Variants in TEP1 observed in about 807,000 individuals in gnomAD.
TEP1 encodes telomerase associated protein 1.
In TEP1, 241 loss-of-function variants were observed where a neutral mutation model predicts 306.3. The ratio of observed to expected loss-of-function variants is 0.79; its 90% CI spans 0.71 to 0.88. TEP1 has a LOEUF of 0.88. Among genes scored for constraint, TEP1 ranks in the 40% least tolerant of loss-of-function variants. The pLI, the probability that TEP1 is intolerant of heterozygous loss-of-function variation, is 0.00. For synonymous variants in TEP1, 1,289 were observed against 1,305.5 expected (o/e 0.99, Z 0.27); for missense variants, 3,051 against 3,276.1 (o/e 0.93, Z 1.68).
chr14:20,378,724 A>T, intron 37 of TEP1, 30 bp downstream of exon 37: 1 of 1,608,998 alleles, frequency 6.2e-7, no homozygotes. Context: ...GCTCAGGGCC[A>T]CTCTGACCAC....
chr14:20,404,356 C>CAAAA (rs34000493), intron 5 of TEP1, among the ~76,000 whole-genome samples: 2 of 95,520 alleles, frequency 2.1e-5, no homozygotes, highest in African/African-American at 3.3e-5. Context: ...ACTCCGTCTC[C>CAAAA]AAAAAAAAAA....
Position 20,408,072 on chromosome 14 carries a change from G to T in TEP1, c.368C>A (p.Ser123Tyr), listed in dbSNP as rs201688770. Residue 123 changes from serine (S) to tyrosine (Y), a missense_variant, in exon 2 of 55, where the codon TCT becomes TAT. Transcript: ENST00000262715. ...ATLSSLKSTVSASPLFQSLQI... is the reference protein window; with the variant it reads ...ATLSSLKSTVYASPLFQSLQI... The stretch of plus-strand genomic sequence containing the variant: ...TAGACTCTGGAACAAGGGGCTGGCA[G>T]ACACAGTGCTCTTTAGACTAGAGAG... 4 of 1,614,220 alleles carry T rather than the reference G, an allele frequency of 2.5e-6. No homozygotes were observed. The highest frequency in any genetic ancestry group is 3.3e-4 in the Middle Eastern group (2 of 6,062).
intron 54 of TEP1, 24 bp from the exon 55 acceptor site, chr14:20,368,583 G>A: frequency 1.2e-6 from 2 of 1,613,796 alleles, no homozygotes; most frequent in Non-Finnish European, 1.7e-6. Flanking sequence ...AAAAATAGGG[G>A]AGGTCAGGGC....
chr14:20,389,785 C>T, intron 15 of TEP1, 45 bp from the exon 16 acceptor site: 1 of 1,607,996 alleles, frequency 6.2e-7, no homozygotes, highest in Non-Finnish European at 8.5e-7. Context: ...GGATGCTAGA[C>T]AGCCCAGGAC....
At chr14:20,403,961 G>C in intron 5 of TEP1, 77 bp from the exon 6 acceptor site, 1 of 1,581,472 alleles carries the variant, frequency 6.3e-7, no homozygotes, top group Non-Finnish European at 8.6e-7. Flanking sequence ...TCACTTCATG[G>C]AGATACACGA....
At chr14:20,391,812 T>C (rs1380472602) in intron 12 of TEP1, 45 bp from the exon 13 acceptor site, 1 of 1,599,842 alleles carries the variant, frequency 6.3e-7, no homozygotes, top group Admixed American at 1.7e-5. Flanking sequence ...GGGACTTATC[T>C]GCCCCTTAGA....
intron 28 of TEP1, 22 bp downstream of exon 28, chr14:20,382,601 T>C: frequency 6.2e-7 from 1 of 1,613,122 alleles, no homozygotes; most frequent in East Asian, 2.2e-5. Flanking sequence ...TGATTAGGAC[T>C]TGGAAGGTGA....
chr14:20,370,789 C>A (rs939230247), intron 51 of TEP1, among the ~76,000 whole-genome samples: 1 of 152,126 alleles, frequency 6.6e-6, no homozygotes, highest in Non-Finnish European at 1.5e-5. Flanking sequence ...CAATAACAAG[C>A]GGCTCCCAGG....
intron 7 of TEP1, among the ~76,000 whole-genome samples, chr14:20,402,941 G>A (rs1473994785): frequency 2.0e-5 from 3 of 151,920 alleles, no homozygotes; most frequent in Non-Finnish European, 4.4e-5. Flanking sequence ...GGTGGATCAC[G>A]AGGTCAGGAG....
At chr14:20,406,690 A>G (rs897520236) in intron 2 of TEP1, among the ~76,000 whole-genome samples, 1 of 152,138 alleles carries the variant, frequency 6.6e-6, no homozygotes, top group Non-Finnish European at 1.5e-5. Context: ...GGCTCTTCAC[A>G]CACCTTTTAG....
intron 10 of TEP1, 85 bp from the exon 11 acceptor site, chr14:20,396,034 G>A (rs1456622990): frequency 3.5e-6 from 3 of 859,108 alleles, no homozygotes; most frequent in Non-Finnish European, 5.5e-6. Flanking sequence ...AGCTTTGTGG[G>A]AAGGTACAGA....
rs752417148 is a variant in TEP1, at chr14:20,382,297, C to T, written c.4200G>A (p.Leu1400=). The T allele has an allele frequency of 3.0e-5, 48 of 1,613,854 alleles. 1 individual carries two copies. Among genetic ancestry groups the T allele is most frequent in the Non-Finnish European group, 3.9e-5 (46 of 1,179,948 alleles). The part of the protein sequence containing the change: ...ATVPLLLQHI[L]STLEKEHGPD... ...GCCCGTGCTCCTTCTCCAGTGTGCT[C>T]AGGATGTGCTGCAGCAGCAGGGGGA... Residue 1400 remains leucine (L), a synonymous_variant, in exon 29 of 55, where the codon CTG becomes CTA. Transcript: ENST00000262715.
chr14:20,373,909 A>G, intron 44 of TEP1, 99 bp from the exon 45 acceptor site: 1 of 1,485,184 alleles, frequency 6.7e-7, no homozygotes, highest in South Asian at 1.3e-5. Flanking sequence ...GGAGCATGGA[A>G]GATGTCAATG....
intron 1 of TEP1, 45 bp from the exon 2 acceptor site, chr14:20,408,508 G>A: frequency 1.4e-6 from 2 of 1,459,328 alleles, no homozygotes; most frequent in South Asian, 1.3e-5. Flanking sequence ...GCTGCACTGA[G>A]CGTGTATTTG....
intron 43 of TEP1, among the ~76,000 whole-genome samples, chr14:20,374,853 G>A (rs961173132): frequency 1.3e-5 from 2 of 152,134 alleles, no homozygotes; most frequent in African/African-American, 4.8e-5. Context: ...ACTTTGGGAG[G>A]CCGAGGCAGG....
At position 20,383,143 on chromosome 14, in the gene TEP1, C is replaced by T. The variant is rs369681398; in HGVS notation, c.4047+31G>A. 3 of 1,554,970 alleles carry T rather than the reference C, an allele frequency of 1.9e-6. No individual in the cohort carries two copies. In the African/African-American group the frequency reaches 4.1e-5, roughly 21 times the overall value. ...CCTCATAGCTCCCAGATTCACCCCA[C>T]ACACCCACCGGCCCCGGCCTAGAAC... On this transcript the variant is annotated intron_variant, in intron 27 of 54. Coordinates refer to ENST00000262715, the MANE Select transcript of TEP1 (RefSeq NM_007110.5).
In TEP1 at chr14:20,384,444, C is replaced by A. The variant is rs866900512; in HGVS notation, c.3286G>T (p.Gly1096Trp). ...CATACATCCTGCAGAACCAACTGCC[C>A]AAACTCCTCCAGCCCGCCAACATAG... The part of the protein sequence containing the change: ...RPYVGGLEEF[G>W]QLVLQDVWNM... The change falls in exon 23 of 55, where the codon GGG (glycine) becomes TGG (tryptophan). Residue 1096 changes from glycine to tryptophan, a missense_variant. Coordinates refer to ENST00000262715, the MANE Select transcript of TEP1 (RefSeq NM_007110.5). The A allele has an allele frequency of 8.1e-6, 13 of 1,614,004 alleles. No individual in the cohort carries two copies. In the African/African-American group the frequency reaches 1.6e-4, roughly 20 times the overall value.
At chr14:20,410,399 T>G (rs534169508) in intron 1 of TEP1, among the ~76,000 whole-genome samples, 1 of 152,162 alleles carries the variant, frequency 6.6e-6, no homozygotes, top group African/African-American at 2.4e-5. Context: ...GCCCAGGAGT[T>G]TAAAACCAGC....
At chr14:20,378,679 G>A (rs537243325) in intron 37 of TEP1, 75 bp downstream of exon 37, 139 of 1,576,986 alleles carry the variant, frequency 8.8e-5, no homozygotes, top group South Asian at 8.5e-4. Flanking sequence ...AGCCTCTGCC[G>A]CACTGAGAGA....
Sources: allele counts gnomAD v4.1 joint callset (sites outside exome capture counted in the v4.1 genomes callset), GRCh38; gene constraint gnomAD v4.1.1; transcripts MANE v1.5; gene names NCBI Gene and HGNC (gene_info 2026-07-23, HGNC 2026-07-21).